IP6K2: variants seen among roughly 807,000 people sequenced by gnomAD.
IP6K2 encodes the protein inositol hexakisphosphate kinase 2, also known as ATP:1D-myo-inositol-hexakisphosphate phosphotransferase.
Under a neutral mutation model 43.3 loss-of-function variants are expected in IP6K2, and 9 were observed. That is an observed-to-expected ratio of 0.21 (90% confidence interval 0.13 to 0.36). The LOEUF (loss-of-function observed/expected upper bound fraction) is 0.36, where lower values mean the gene tolerates loss of function less well. Among genes scored for constraint, IP6K2 ranks in the 10% least tolerant of loss-of-function variants. The probability of loss-of-function intolerance (pLI) is 1.00; values close to 1 mark genes in which losing one functional copy is unlikely to be tolerated. For synonymous variants in IP6K2, 209 were observed against 202.4 expected (o/e 1.03, Z -0.28); for missense variants, 332 against 538.4 (o/e 0.62, Z 3.79).
In IP6K2 at chr3:48,688,714, T is replaced by C; in HGVS notation, c.840A>G (p.Leu280=). Residue 280 remains leucine (L), a synonymous_variant, in exon 6 of 6, where the codon CTA becomes CTG. Transcript: ENST00000328631. This position sits in a 1 kb window ranked among gnomAD's most constrained non-coding sequence, Gnocchi z 5.1. ...GTGCCTCCTTGAAGCCCTGCACCGA[T>C]AGCTTCCGTCCATGGTACTTGTTCA... ...MFMNKYHGRK[L]SVQGFKEALF... 5.6e-6 allele frequency: 9 copies of C among 1,614,134 alleles called. No individual in the cohort carries two copies. The highest frequency in any genetic ancestry group is 5.9e-6 in the Non-Finnish European group (7 of 1,179,988).
intron 1 of IP6K2, chr3:48,708,372 A>C (rs1450777867): frequency 6.6e-6 from 1 of 152,166 alleles, no homozygotes; most frequent in East Asian, 1.9e-4. Flanking sequence ...ATTGATTCTA[A>C]GGTCTCATAT....
At chr3:48,706,973 C>A (rs892384567) in intron 1 of IP6K2, among the ~76,000 whole-genome samples, 1 of 151,910 alleles carries the variant, frequency 6.6e-6, no homozygotes, top group Non-Finnish European at 1.5e-5. Flanking sequence ...ATTTTGTTAT[C>A]ATAATTGTAC....
intron 1 of IP6K2, among the ~76,000 whole-genome samples, chr3:48,702,352 C>T (rs1186530713): frequency 2.6e-5 from 4 of 152,152 alleles, no homozygotes; most frequent in African/African-American, 9.7e-5. Context: ...GGCCTTTGTA[C>T]TTGCTATTCC....
chr3:48,700,919 A>G (rs2078947995), intron 1 of IP6K2, among the ~76,000 whole-genome samples: 1 of 152,220 alleles, frequency 6.6e-6, no homozygotes, highest in Admixed American at 6.5e-5. Context: ...TGCCTGGTAC[A>G]CATTCATATA....
chr3:48,692,383 T>C (rs745407683), intron 3 of IP6K2, among the ~76,000 whole-genome samples: 25 of 152,228 alleles, frequency 1.6e-4, no homozygotes, highest in Admixed American at 9.2e-4. Context: ...TGCCCTCTTC[T>C]AGGCAGTGGT....
intron 1 of IP6K2, among the ~76,000 whole-genome samples, chr3:48,701,295 G>A (rs573589220): frequency 6.6e-6 from 1 of 152,274 alleles, no homozygotes; most frequent in South Asian, 2.1e-4. Context: ...GGCCAGGAGT[G>A]GTGGCTCATG....
intron 1 of IP6K2, chr3:48,711,356 T>C (rs2080495932): frequency 6.6e-6 from 1 of 152,242 alleles, no homozygotes. Flanking sequence ...AAATGCAGCA[T>C]TCTGACTAAC....
At chr3:48,689,860 G>C in intron 4 of IP6K2, 147 bp from the exon 5 acceptor site, 1 of 645,688 alleles carries the variant, frequency 1.5e-6, no homozygotes, top group Admixed American at 3.0e-5. Flanking sequence ...GACACAGGGA[G>C]TCCAGAGCTG....
rs186030998 is a variant in IP6K2, at chr3:48,694,704, G to A, written c.202+386C>T. 3.0e-4 allele frequency: 454 copies of A among 1,504,374 alleles called. 2 individuals are homozygous for A. The highest frequency in any genetic ancestry group is 3.8e-4 in the Non-Finnish European group (431 of 1,131,166). 93.2% of individuals were successfully genotyped at this position (1,504,374 alleles called of 1,614,324 possible). A position where few individuals can be genotyped will look rare whatever the true frequency, so the allele number is the denominator to read the frequency against. ...TGCTCCCCGGCCTACCTAATTACCC[G>A]GGCTTCTGGTTTCCTGGAGGACAAA... On this transcript the variant is annotated intron_variant, in intron 2 of 5. Coordinates refer to ENST00000328631, the MANE Select transcript of IP6K2 (RefSeq NM_016291.4).
intron 1 of IP6K2, among the ~76,000 whole-genome samples, chr3:48,705,062 C>T (rs2079550786): frequency 6.6e-6 from 1 of 152,226 alleles, no homozygotes; most frequent in Non-Finnish European, 1.5e-5. Flanking sequence ...CTGCCTCAGC[C>T]TCCCGAGTAG....
At chr3:48,700,822 G>A (rs373975521) in intron 1 of IP6K2, among the ~76,000 whole-genome samples, 1 of 152,074 alleles carries the variant, frequency 6.6e-6, no homozygotes. Flanking sequence ...TCACAGAGGG[G>A]TGGCATAAGG....
In IP6K2 at chr3:48,688,530, C is replaced by T. The variant is rs755349495; in HGVS notation, c.1024G>A (p.Glu342Lys). 6.2e-6 allele frequency: 10 copies of T among 1,614,198 alleles called. No homozygotes were observed. In the South Asian group the frequency reaches 7.7e-5, roughly 12 times the overall value. ...LVIYDGKERPEVVLDSDAEDL... is the reference protein window; with the variant it reads ...LVIYDGKERPKVVLDSDAEDL... ...TCAGCATCTGAGTCCAGGACCACTT[C>T]GGGCCGCTCCTTGCCATCATAAATG... The change falls in exon 6 of 6, where the codon GAA becomes AAA. Residue 342 changes from glutamate (E) to lysine (K), a missense_variant. Glu to Lys is a moderately conservative substitution (Grantham distance 56, BLOSUM62 1). Transcript: ENST00000328631. This position sits in a 1 kb window ranked among gnomAD's most constrained non-coding sequence, Gnocchi z 5.1.
At position 48,716,376 on chromosome 3, in the gene IP6K2, C is replaced by A. The variant is rs139677473; in HGVS notation, c.-131+781G>T. The A allele has an allele frequency of 4.6e-5, 7 of 152,258 alleles. No homozygotes were observed. In the East Asian group the frequency reaches 7.7e-4, roughly 17 times the overall value. The allele number at this position is 152,258 out of a possible 1,614,324, so 9.4% of individuals were successfully genotyped here. A position where few individuals can be genotyped will look rare whatever the true frequency, so the allele number is the denominator to read the frequency against. On this transcript the variant is annotated intron_variant, in intron 1 of 5. Coordinates refer to ENST00000328631, the MANE Select transcript of IP6K2 (RefSeq NM_016291.4). ...TCCAAGCAGTGACTAGTTCTGTTTT[C>A]CCTGGTATTTAAGAGCACTGGATTT...
intron 1 of IP6K2, among the ~76,000 whole-genome samples, chr3:48,712,308 T>A (rs907386442): frequency 3.3e-5 from 5 of 150,504 alleles, no homozygotes; most frequent in African/African-American, 1.2e-4. Flanking sequence ...AGTGGCGCGA[T>A]CTCGGCTCAC....
intron 2 of IP6K2, chr3:48,694,189 G>A (rs2078051322): frequency 4.6e-5 from 71 of 1,551,132 alleles, no homozygotes; most frequent in Non-Finnish European, 6.1e-5. Flanking sequence ...AAAGGACCAG[G>A]GGAAAAAATG....
Position 48,688,424 on chromosome 3 carries a change from A to G in IP6K2, c.1130T>C (p.Val377Ala). Reference sequence around the variant, plus strand: ...TGCAAAGTCGATCATGCGCACATCTACAGAGCTGGCGCCGATGGGTTTGTA... The same window carrying G: ...TGCAAAGTCGATCATGCGCACATCTGCAGAGCTGGCGCCGATGGGTTTGTA... ...YAYKPIGASS[V>A]DVRMIDFAHT... is the part of the protein sequence containing the mutation. Residue 377 changes from valine (V) to alanine (A), a missense_variant, in exon 6 of 6, where the codon GTA becomes GCA. Physicochemically the swap from Val to Ala is moderately conservative, Grantham distance 64. Coordinates refer to ENST00000328631, the MANE Select transcript of IP6K2 (RefSeq NM_016291.4). This position sits in a 1 kb window ranked among gnomAD's most constrained non-coding sequence, Gnocchi z 5.1. The G allele has an allele frequency of 6.2e-7, 1 of 1,614,228 alleles. No homozygotes were observed. The highest frequency in any genetic ancestry group is 1.1e-5 in the South Asian group (1 of 91,080).
At chr3:48,690,019 C>A (rs955020099) in intron 4 of IP6K2, among the ~76,000 whole-genome samples, 1 of 152,162 alleles carries the variant, frequency 6.6e-6, no homozygotes, top group African/African-American at 2.4e-5. Flanking sequence ...GGACTAGGGT[C>A]CAAAAACAAA....
In IP6K2 at chr3:48,692,043, G is replaced by A. The variant is rs537181979; in HGVS notation, c.429-561C>T. ...AGACAGGGTTTCATCATATTGGTCA[G>A]GCTGGTCTCGAACTCCTGACCTCAG... On this transcript the variant is annotated intron_variant, in intron 3 of 5. Coordinates refer to ENST00000328631, the MANE Select transcript of IP6K2 (RefSeq NM_016291.4). Among the ~76,000 whole-genome samples the A allele has an allele frequency of 6.6e-5, 10 of 152,084 alleles. No individual in the cohort carries two copies. In the East Asian group the frequency reaches 1.9e-3, roughly 30 times the overall value.
intron 1 of IP6K2, chr3:48,715,551 T>A: frequency 8.0e-7 from 1 of 1,243,498 alleles, no homozygotes; most frequent in Non-Finnish European, 1.1e-6. Context: ...AAGAAATCTA[T>A]TATATCTGTT....
Sources: allele counts gnomAD v4.1 joint callset (sites outside exome capture counted in the v4.1 genomes callset), GRCh38; gene constraint gnomAD v4.1.1; non-coding constraint Gnocchi (gnomAD v3.1); transcripts MANE v1.5; gene names NCBI Gene and HGNC (gene_info 2026-07-23, HGNC 2026-07-21).